PDE4B: variants seen among roughly 807,000 people sequenced by gnomAD.
PDE4B encodes phosphodiesterase 4B, also known as 3',5'-cyclic-AMP phosphodiesterase 4B.
In PDE4B, 20 loss-of-function variants were observed where a neutral mutation model predicts 82.2. That is an observed-to-expected ratio of 0.24 (90% CI 0.17 to 0.35). The LOEUF (loss-of-function observed/expected upper bound fraction) is 0.35, where lower values mean the gene tolerates loss of function less well. Ranked by LOEUF, PDE4B falls within the 10% of genes least tolerant of loss-of-function variation. The probability of loss-of-function intolerance (pLI) is 1.00; values close to 1 mark genes in which losing one functional copy is unlikely to be tolerated. For missense variants in PDE4B, 655 were observed against 907.2 expected (o/e 0.72, Z 3.57); for synonymous variants, 320 against 318.9 (o/e 1.00, Z -0.04).
At chr1:65,824,652 T>C (rs998558234) in intron 1 of PDE4B, among the ~76,000 whole-genome samples, 2 of 149,942 alleles carry the variant, frequency 1.3e-5, no homozygotes, top group Non-Finnish European at 3.0e-5. Flanking sequence ...TATACAAATA[T>C]ATACATACAT....
intron 3 of PDE4B, among the ~76,000 whole-genome samples, chr1:66,072,386 C>T (rs1054898411): frequency 2.6e-5 from 4 of 152,098 alleles, no homozygotes; most frequent in Non-Finnish European, 4.4e-5. Context: ...ATTTTTCACC[C>T]ATGTTGCTAA....
chr1:65,968,679 T>G (rs1049985135), intron 3 of PDE4B, among the ~76,000 whole-genome samples: 2 of 152,114 alleles, frequency 1.3e-5, no homozygotes, highest in African/African-American at 4.8e-5. Context: ...AAACACAAAT[T>G]TGGTGTTTTC....
chr1:65,969,565 C>A (rs1209274947), intron 3 of PDE4B, among the ~76,000 whole-genome samples: 1 of 152,128 alleles, frequency 6.6e-6, no homozygotes, highest in Non-Finnish European at 1.5e-5. Context: ...AAACTTTTTT[C>A]TGAATATTTC....
intron 1 of PDE4B, among the ~76,000 whole-genome samples, chr1:65,803,785 G>A (rs754892445): frequency 2.6e-5 from 4 of 152,124 alleles, no homozygotes; most frequent in South Asian, 2.1e-4. Context: ...CTTCAATAAA[G>A]GCTTTTGTAA....
intron 3 of PDE4B, among the ~76,000 whole-genome samples, chr1:66,028,614 G>T (rs1267099843): frequency 6.6e-6 from 1 of 152,076 alleles, no homozygotes; most frequent in African/African-American, 2.4e-5. Context: ...TTATAAAATT[G>T]AATGCCTTTA....
At chr1:65,800,355 T>G in intron 1 of PDE4B, among the ~76,000 whole-genome samples, 1 of 152,054 alleles carries the variant, frequency 6.6e-6, no homozygotes, top group South Asian at 2.1e-4. Flanking sequence ...TGCAGAAAAA[T>G]GGGAATGTTG....
chr1:65,889,757 G>T (rs1223209586), intron 1 of PDE4B, among the ~76,000 whole-genome samples: 1 of 152,010 alleles, frequency 6.6e-6, no homozygotes, highest in Non-Finnish European at 1.5e-5. Flanking sequence ...CTGGCAATGT[G>T]GTCTACATTG....
intron 3 of PDE4B, among the ~76,000 whole-genome samples, chr1:66,128,752 G>T (rs983801792): frequency 3.3e-5 from 5 of 152,202 alleles, no homozygotes; most frequent in African/African-American, 1.2e-4. Context: ...GGCTAGGGAG[G>T]TCTCACAATC....
At chr1:66,043,975 T>C (rs1428375181) in intron 3 of PDE4B, among the ~76,000 whole-genome samples, 1 of 151,776 alleles carries the variant, frequency 6.6e-6, no homozygotes. Context: ...AATTTATGTC[T>C]CACTTGGTTA....
At chr1:66,293,306 C>T (rs561623800) in intron 7 of PDE4B, among the ~76,000 whole-genome samples, 1 of 152,090 alleles carries the variant, frequency 6.6e-6, no homozygotes, top group Non-Finnish European at 1.5e-5. Context: ...AAATGAAGGG[C>T]AAATTCTGAA....
At chr1:66,282,348 A>G (rs911524174) in intron 7 of PDE4B, among the ~76,000 whole-genome samples, 3 of 152,122 alleles carry the variant, frequency 2.0e-5, no homozygotes, top group African/African-American at 7.2e-5. Context: ...CTGGCAGGGA[A>G]AAGAGGCAGG....
chr1:66,049,440 G>C (rs970202093), intron 3 of PDE4B, among the ~76,000 whole-genome samples: 5 of 151,964 alleles, frequency 3.3e-5, no homozygotes, highest in Non-Finnish European at 7.4e-5. Flanking sequence ...TATGGTTTGA[G>C]TAACAAAAAT....
At chr1:65,986,785 A>G (rs1259666050) in intron 3 of PDE4B, among the ~76,000 whole-genome samples, 1 of 152,192 alleles carries the variant, frequency 6.6e-6, no homozygotes, top group South Asian at 2.1e-4. Flanking sequence ...AATATCGACT[A>G]TGATAAACAA....
intron 3 of PDE4B, among the ~76,000 whole-genome samples, chr1:66,077,708 T>A (rs1656506780): frequency 2.0e-5 from 3 of 152,174 alleles, no homozygotes. Context: ...GATATTAATT[T>A]ATTATTAAAG....
chr1:66,064,371 G>A (rs1018308852), intron 3 of PDE4B, among the ~76,000 whole-genome samples: 6 of 151,822 alleles, frequency 4.0e-5, no homozygotes, highest in South Asian at 2.1e-4. Flanking sequence ...GAAGAGAAGG[G>A]CCACTCAATG....
intron 2 of PDE4B, among the ~76,000 whole-genome samples, chr1:65,914,251 C>T (rs913564892): frequency 5.9e-5 from 9 of 152,278 alleles, no homozygotes; most frequent in East Asian, 3.9e-4. Context: ...TGCCTCATAC[C>T]GTAGCAAAGC....
intron 8 of PDE4B, among the ~76,000 whole-genome samples, chr1:66,347,837 G>A (rs1356188279): frequency 6.6e-6 from 1 of 152,092 alleles, no homozygotes; most frequent in Non-Finnish European, 1.5e-5. Context: ...ACTTCAATAA[G>A]GCAGGATTTA....
chr1:66,064,825 CT>C (rs1338920272), intron 3 of PDE4B, among the ~76,000 whole-genome samples: 1 of 151,810 alleles, frequency 6.6e-6, no homozygotes, highest in Admixed American at 6.6e-5. Context: ...TCTGAATGAG[CT>C]TTATGTCTTT....
intron 1 of PDE4B, among the ~76,000 whole-genome samples, chr1:65,806,876 G>T (rs1191594106): frequency 2.0e-5 from 3 of 152,186 alleles, no homozygotes; most frequent in Non-Finnish European, 4.4e-5. Context: ...CCTGATTTCA[G>T]GGCTGTAATT....
Sources: gnomAD v4.1 joint callset for allele counts (sites outside exome capture counted in the v4.1 genomes callset) on GRCh38, gnomAD v4.1.1 for gene constraint, MANE v1.5 for transcripts, NCBI Gene and HGNC (gene_info 2026-07-23, HGNC 2026-07-21) for gene names.